Variants in PROKR2 observed in about 807,000 individuals in gnomAD.
PROKR2 encodes prokineticin receptor 2.
Under a neutral mutation model 23.4 loss-of-function variants are expected in PROKR2, and 26 were observed. The observed-to-expected ratio is 1.11, with a 90% confidence interval of 0.81 to 1.54. PROKR2 has a LOEUF of 1.54. Ranked by LOEUF, PROKR2 falls within the 40% of genes most tolerant of loss-of-function variation. The pLI is 0.00. For synonymous variants in PROKR2, 212 were observed against 201.2 expected (o/e 1.05, Z -0.45); for missense variants, 453 against 511.5 (o/e 0.89, Z 1.10).
chr20:5,313,123 G>A (rs909403187), intron 2 of PROKR2, among the ~76,000 whole-genome samples: 5 of 149,372 alleles, frequency 3.3e-5, no homozygotes, highest in African/African-American at 1.3e-4. Flanking sequence ...CACTCTGTAT[G>A]CCATTAAGTA....
chr20:5,302,372 G>T lies in PROKR2; in HGVS notation c.823C>A (p.Leu275Met). Residue 275 changes from leucine (L) to methionine (M), a missense_variant, in exon 3 of 3, where the codon CTG (leucine) becomes ATG (methionine). By Grantham distance (15) the Leu-to-Met change is conservative (BLOSUM62 2). Transcript: ENST00000678254. ...GCCGTGAGAATGCACATGAGCACCA[G>T]GACCGTCTTCCTGCGGCAGCGCAGC... ...KRLRCRRKTV[L>M]VLMCILTAYV... 1 of 1,614,238 alleles carries T rather than the reference G, an allele frequency of 6.2e-7. No homozygotes were observed. The highest frequency in any genetic ancestry group is 2.2e-5 in the East Asian group (1 of 44,886).
At chr20:5,306,074 C>G (rs1979205981) in intron 2 of PROKR2, among the ~76,000 whole-genome samples, 2 of 152,156 alleles carry the variant, frequency 1.3e-5, no homozygotes, top group African/African-American at 4.8e-5. Flanking sequence ...CCACCAAAGA[C>G]TAGGATAACA....
At chr20:5,308,368 C>T (rs1354384737) in intron 2 of PROKR2, among the ~76,000 whole-genome samples, 6 of 152,230 alleles carry the variant, frequency 3.9e-5, no homozygotes, top group African/African-American at 1.4e-4. Flanking sequence ...CGCTTAAAGG[C>T]GTTCTTAAAC....
At chr20:5,304,127 T>C (rs7263749) in intron 2 of PROKR2, among the ~76,000 whole-genome samples, 79,074 of 151,818 alleles carry the variant, frequency 0.52, 20,604 homozygotes, top group South Asian at 0.57. Context: ...GGACACTGGG[T>C]GAAAAGTAGT....
chr20:5,300,085 T>C lies in PROKR2; in HGVS notation c.*1955A>G, dbSNP rs767648535. Among the ~76,000 whole-genome samples the C allele has an allele frequency of 6.6e-6, 1 of 152,212 alleles. No individual in the cohort carries two copies. Among genetic ancestry groups the C allele is most frequent in the Admixed American group, 6.5e-5 (1 of 15,276 alleles). On this transcript the variant is annotated 3_prime_UTR_variant, in exon 3 of 3. Transcript: ENST00000678254. ...TCCTTGTCTATAAAAAATTAGGAAT[T>C]GGTCAAATATGGTTGGGTCAGTCCC...
rs116686802 is a variant in PROKR2, at chr20:5,299,496, C to A, written c.*2544G>T. Among the ~76,000 whole-genome samples the A allele has an allele frequency of 6.8e-3, 1,031 of 151,262 alleles. 13 individuals carry two copies. Among genetic ancestry groups the A allele is most frequent in the African/African-American group, 0.023 (966 of 41,422 alleles). On this transcript the variant is annotated 3_prime_UTR_variant, in exon 3 of 3. Transcript: ENST00000678254. ...TTATATTTATAGAAATGTACATAAC[C>A]TAAAATTGTTACTTGCTTGGCTTTG...
rs1283868027 is a variant in PROKR2 at position 5,301,767 on chromosome 20, A to G, written c.*273T>C. Among the ~76,000 whole-genome samples the G allele has an allele frequency of 2.0e-5, 3 of 152,176 alleles. No individual in the cohort carries two copies. Among genetic ancestry groups the G allele is most frequent in the African/African-American group, 7.2e-5 (3 of 41,428 alleles). On this transcript the variant is annotated 3_prime_UTR_variant, in exon 3 of 3. Transcript: ENST00000678254. ...CATTGGTGTGGTTTGCACACAGTAC[A>G]TGTTCAGTCCATGTCAGTTGCTGCT...
intron 2 of PROKR2, among the ~76,000 whole-genome samples, chr20:5,303,545 A>G (rs769788921): frequency 2.0e-5 from 3 of 152,142 alleles, no homozygotes; most frequent in African/African-American, 7.2e-5. Context: ...GCCCTTTCCA[A>G]TGAGCCACAC....
In PROKR2 at chr20:5,301,204, G is replaced by GGTTGTT. The variant is rs11472556; in HGVS notation, c.*830_*835dup. On this transcript the variant is annotated 3_prime_UTR_variant, in exon 3 of 3. Transcript: ENST00000678254. Reference sequence around the variant, plus strand: ...CTAAGAGTCTTCTTCTATAGCCGTTGGTTGTTGTTGTTGTTGTTTTGTTGT... The same window carrying GGTTGTT: ...CTAAGAGTCTTCTTCTATAGCCGTTGGTTGTTGTTGTTGTTGTTGTTGTTTTGTTGT... Among the ~76,000 whole-genome samples the GGTTGTT allele has an allele frequency of 0.23, 34,312 of 151,336 alleles. 4,001 individuals carry two copies. Among genetic ancestry groups the GGTTGTT allele is most frequent in the Admixed American group, 0.25 (3,872 of 15,194 alleles).
At chr20:5,311,364 C>A (rs1408814406) in intron 2 of PROKR2, among the ~76,000 whole-genome samples, 2 of 152,084 alleles carry the variant, frequency 1.3e-5, no homozygotes, top group Non-Finnish European at 2.9e-5. Context: ...GCTGATGGAG[C>A]TGGGAAGCTG....
At chr20:5,311,645 T>C (rs965997661) in intron 2 of PROKR2, among the ~76,000 whole-genome samples, 1 of 152,192 alleles carries the variant, frequency 6.6e-6, no homozygotes, top group Non-Finnish European at 1.5e-5. Context: ...CAAAGGAGAT[T>C]AACATTTGAG....
rs1979689139 is a variant in PROKR2, at chr20:5,316,628, G to C, written c.-143C>G. Among the ~76,000 whole-genome samples, 1 of 152,238 alleles carries C rather than the reference G, an allele frequency of 6.6e-6. No homozygotes were observed. The highest frequency in any genetic ancestry group is 1.5e-5 in the Non-Finnish European group (1 of 68,036). ...ACTTGCACTTGCAGAGCCGCTGCGT[G>C]GGGGATGTCCCTCTTTTTTCCTCGC... On this transcript the variant is annotated 5_prime_UTR_variant, in exon 1 of 3. Transcript: ENST00000678254. The surrounding 1 kb of genome is among the most constrained non-coding windows in gnomAD (Gnocchi z 5.0).
At chr20:5,306,147 A>C (rs6085077) in intron 2 of PROKR2, among the ~76,000 whole-genome samples, 1 of 152,006 alleles carries the variant, frequency 6.6e-6, no homozygotes, top group Non-Finnish European at 1.5e-5. Flanking sequence ...TAACAGATAA[A>C]CCAATTTGAA....
chr20:5,309,286 C>T (rs575037320), intron 2 of PROKR2, among the ~76,000 whole-genome samples: 76 of 152,280 alleles, frequency 5.0e-4, no homozygotes, highest in East Asian at 1.5e-3. Flanking sequence ...TATTATGTTA[C>T]GGTTTTGGAG....
chr20:5,302,769 A>C (rs1979061682), intron 2 of PROKR2, 33 bp from the exon 3 acceptor site: 1 of 1,533,808 alleles, frequency 6.5e-7, no homozygotes, highest in Non-Finnish European at 9.0e-7. Flanking sequence ...AGTAGTAATG[A>C]TGAATACGTG....
At chr20:5,307,295 T>C (rs1568570898) in intron 2 of PROKR2, among the ~76,000 whole-genome samples, 1 of 152,204 alleles carries the variant, frequency 6.6e-6, no homozygotes, top group Non-Finnish European at 1.5e-5. Flanking sequence ...GTGATCACCA[T>C]TGCCATGAGT....
Position 5,316,820 on chromosome 20 carries a change from G to A in PROKR2, c.-335C>T, listed in dbSNP as rs1246727568. Among the ~76,000 whole-genome samples, 4 of 152,122 alleles carry A rather than the reference G, an allele frequency of 2.6e-5. No homozygotes were observed. Among genetic ancestry groups the A allele is most frequent in the Non-Finnish European group, 1.5e-5 (1 of 68,002 alleles). ...AGTCCAGGCCAAGGGTGGATGCCCA[G>A]CTCCCCCACCCCACCGCGTGCTCTC... On this transcript the variant is annotated 5_prime_UTR_variant, in exon 1 of 3. Transcript: ENST00000678254. This position sits in a 1 kb window ranked among gnomAD's most constrained non-coding sequence, Gnocchi z 5.0.
chr20:5,306,274 G>A lies in PROKR2; in HGVS notation c.459-3538C>T, dbSNP rs974992365. 5.0e-4 allele frequency among the ~76,000 whole-genome samples: 62 copies of A among 125,202 alleles called. 1 individual carries two copies. The highest frequency in any genetic ancestry group is 1.7e-3 in the African/African-American group (52 of 31,170). The allele number at this position is 125,202 out of a possible 152,430, so 82.1% of individuals were successfully genotyped here. ...TTCCCATTGGAATTCTCCAGTTTTT[G>A]TAATTAAGAAAAAAATCAGGTAAAT... On this transcript the variant is annotated intron_variant, in intron 2 of 2. Transcript: ENST00000678254.
At chr20:5,310,559 A>G (rs578024375) in intron 2 of PROKR2, among the ~76,000 whole-genome samples, 7 of 102,304 alleles carry the variant, frequency 6.8e-5, no homozygotes, top group Admixed American at 1.9e-4. Flanking sequence ...TATTTTTTTC[A>G]ATTAGTTTAG....
Sources: gnomAD v4.1 joint callset for allele counts (sites outside exome capture counted in the v4.1 genomes callset) on GRCh38, gnomAD v4.1.1 for gene constraint, Gnocchi (gnomAD v3.1) non-coding constraint, MANE v1.5 for transcripts, NCBI Gene and HGNC (gene_info 2026-07-23, HGNC 2026-07-21) for gene names.